The following ZCCHC9 variants were observed in gnomAD, a reference collection of about 807,000 sequenced individuals.
ZCCHC9 encodes zinc finger CCHC-type containing 9.
A neutral mutation model predicts 30.8 loss-of-function variants in ZCCHC9; 18 were observed. That is an observed-to-expected ratio of 0.58 (90% CI 0.40 to 0.87). ZCCHC9 has a LOEUF of 0.87. Ranked by LOEUF, ZCCHC9 falls within the 40% of genes least tolerant of loss-of-function variation. The pLI, the probability that ZCCHC9 is intolerant of heterozygous loss-of-function variation, is 0.00. For synonymous variants in ZCCHC9, 94 were observed against 106.7 expected (o/e 0.88, Z 0.73); for missense variants, 279 against 331.2 (o/e 0.84, Z 1.22).
At chr5:81,302,153 G>C (rs867081446) in intron 1 of ZCCHC9, 2 of 152,636 alleles carry the variant, frequency 1.3e-5, no homozygotes, top group South Asian at 4.1e-4. Flanking sequence ...GACTTGGGGG[G>C]TTGCCAGGGA....
At chr5:81,305,892 A>G (rs1758071440) in intron 2 of ZCCHC9, among the ~76,000 whole-genome samples, 1 of 152,210 alleles carries the variant, frequency 6.6e-6, no homozygotes, top group Non-Finnish European at 1.5e-5. Context: ...CTTGGAAAGG[A>G]TGTTCTTTAT....
intron 4 of ZCCHC9, among the ~76,000 whole-genome samples, chr5:81,310,157 T>TAAAAAAAAAA (rs71000814): frequency 0.034 from 3,560 of 104,240 alleles, 135 homozygotes; most frequent in East Asian, 0.093. Context: ...TGACTAGCTG[T>TAAAAAAAAAA]AAAAAAAAAA....
At chr5:81,311,308 G>A in intron 5 of ZCCHC9, 29 bp downstream of exon 5, 2 of 1,605,616 alleles carry the variant, frequency 1.2e-6, no homozygotes, top group Non-Finnish European at 8.5e-7. Context: ...TACTTAGAAG[G>A]GGTGAGATTA....
In ZCCHC9 at chr5:81,305,091, C is replaced by A. The variant is rs747859472; in HGVS notation, c.334C>A (p.Arg112=). ...TGCAGTTGCTTTAAAGAAAGACAGT[C>A]GACGGGAAGGAAGAAGATTAAAAAG... ...EIAVALKKDS[R]REGRRLKRQA... The change falls in exon 2 of 6, where the codon CGA becomes AGA. Residue 112 remains arginine, a synonymous_variant. Transcript: ENST00000407610. 1.9e-6 allele frequency: 3 copies of A among 1,605,920 alleles called. No individual in the cohort carries two copies. Among genetic ancestry groups the A allele is most frequent in the South Asian group, 1.1e-5 (1 of 89,002 alleles).
chr5:81,302,975 A>C (rs1283613617), intron 1 of ZCCHC9: 3 of 150,944 alleles, frequency 2.0e-5, no homozygotes, highest in Non-Finnish European at 4.4e-5. Flanking sequence ...TAAACTTTTA[A>C]ATTAATTTTA....
At position 81,309,043 on chromosome 5, in the gene ZCCHC9, G is replaced by C; in HGVS notation, c.628+5G>C. 6.3e-7 allele frequency: 1 copy of C among 1,595,672 alleles called. No individual in the cohort carries two copies. Among genetic ancestry groups the C allele is most frequent in the Non-Finnish European group, 8.6e-7 (1 of 1,167,806 alleles). ...CCAAAGGACTCTATGCTGATGGTAA[G>C]TACTGTTACCCTCATATAGCAGAAA... On this transcript the variant is annotated splice_donor_5th_base_variant and intron_variant, in intron 4 of 5. Transcript: ENST00000407610.
chr5:81,304,776 G>C lies in ZCCHC9; in HGVS notation c.19G>C (p.Val7Leu), dbSNP rs1203446969. MTRWARVSTTYNKRPLP... is the reference protein window; with the variant it reads MTRWARLSTTYNKRPLP... ...TGAAATTATGACCAGGTGGGCCCGAGTTAGTACCACATATAACAAGAGACC... is the reference window on the plus strand; with the variant it reads ...TGAAATTATGACCAGGTGGGCCCGACTTAGTACCACATATAACAAGAGACC... Residue 7 changes from valine to leucine, a missense_variant, in exon 2 of 6, where the codon GTT becomes CTT. Val to Leu is a conservative substitution (Grantham distance 32, BLOSUM62 1). Coordinates refer to ENST00000407610, the MANE Select transcript of ZCCHC9 (RefSeq NM_001131035.2). 5 of 1,595,828 alleles carry C rather than the reference G, an allele frequency of 3.1e-6. No homozygotes were observed. The highest frequency in any genetic ancestry group is 1.8e-5 in the Admixed American group (1 of 55,634).
At chr5:81,308,413 G>A (rs1044280832) in intron 2 of ZCCHC9, 148 bp from the exon 3 acceptor site, 36 of 983,322 alleles carry the variant, frequency 3.7e-5, no homozygotes, top group African/African-American at 2.5e-4. Context: ...GTTTAGGAAC[G>A]TATGAAAGCT....
chr5:81,311,665 T>G (rs1425716651), intron 5 of ZCCHC9, among the ~76,000 whole-genome samples: 1 of 152,206 alleles, frequency 6.6e-6, no homozygotes, highest in African/African-American at 2.4e-5. Context: ...TTATGTATGC[T>G]TTGCTTTGTA....
chr5:81,309,784 T>C (rs1170801209), intron 4 of ZCCHC9, among the ~76,000 whole-genome samples: 8 of 152,228 alleles, frequency 5.3e-5, no homozygotes, highest in Admixed American at 5.2e-4. Context: ...AGAGTGGAGA[T>C]GATAAAACTA....
intron 2 of ZCCHC9, among the ~76,000 whole-genome samples, chr5:81,306,128 C>G (rs1318436288): frequency 1.3e-5 from 2 of 152,144 alleles, no homozygotes; most frequent in African/African-American, 4.8e-5. Context: ...ATAATTATTT[C>G]CCTTCTCTAA....
intron 4 of ZCCHC9, among the ~76,000 whole-genome samples, chr5:81,309,550 C>T (rs142127847): frequency 1.0e-3 from 157 of 152,270 alleles, no homozygotes; most frequent in African/African-American, 3.6e-3. Context: ...TCTATGCGGT[C>T]TAAAGCTTTA....
chr5:81,303,778 A>G (rs981738853), intron 1 of ZCCHC9: 3 of 152,266 alleles, frequency 2.0e-5, no homozygotes, highest in African/African-American at 7.2e-5. Flanking sequence ...TTTCAGCTCC[A>G]TTATAATCAT....
chr5:81,311,382 A>T, intron 5 of ZCCHC9, 103 bp downstream of exon 5: 1 of 1,187,392 alleles, frequency 8.4e-7, no homozygotes, highest in East Asian at 2.3e-5. Context: ...TAATGATTTT[A>T]AGACAACCTG....
chr5:81,304,884 G>C lies in ZCCHC9; in HGVS notation c.127G>C (p.Glu43Gln). 1 of 1,614,066 alleles carries C rather than the reference G, an allele frequency of 6.2e-7. No homozygotes were observed. Among genetic ancestry groups the C allele is most frequent in the African/African-American group, 1.3e-5 (1 of 74,982 alleles). Residue 43 changes from glutamate (E) to glutamine (Q), a missense_variant, in exon 2 of 6, where the codon GAA becomes CAA. By Grantham distance (29) the Glu-to-Gln change is conservative (BLOSUM62 2). Coordinates refer to ENST00000407610, the MANE Select transcript of ZCCHC9 (RefSeq NM_001131035.2). ...SQNLPKRKQL[E>Q]ANRLSLKNDA... ...AAACCTACCAAAGCGTAAACAACTTGAAGCCAATAGGCTATCCCTCAAAAA... is the reference window on the plus strand; with the variant it reads ...AAACCTACCAAAGCGTAAACAACTTCAAGCCAATAGGCTATCCCTCAAAAA...
At chr5:81,304,687 G>A (rs1026657663) in intron 1 of ZCCHC9, 54 bp from the exon 2 acceptor site, 2 of 1,482,820 alleles carry the variant, frequency 1.3e-6, no homozygotes. Context: ...CTTTAGTTTT[G>A]TTGTTTTTGT....
At chr5:81,310,157 TAAAAA>T (rs71000814) in intron 4 of ZCCHC9, among the ~76,000 whole-genome samples, 13 of 104,772 alleles carry the variant, frequency 1.2e-4, no homozygotes, top group South Asian at 3.2e-4. Context: ...TGACTAGCTG[TAAAAA>T]AAAAAAAAAA....
chr5:81,311,357 A>T, intron 5 of ZCCHC9, 78 bp downstream of exon 5: 1 of 1,406,104 alleles, frequency 7.1e-7, no homozygotes, highest in Admixed American at 1.7e-5. Flanking sequence ...GTTATTAATA[A>T]CTCAATTGGG....
At position 81,308,707 on chromosome 5, in the gene ZCCHC9, T is replaced by C; in HGVS notation, c.531T>C (p.Ala177=). The change falls in exon 3 of 6, where the codon GCT becomes GCC. Residue 177 remains alanine (A), a synonymous_variant. Coordinates refer to ENST00000407610, the MANE Select transcript of ZCCHC9 (RefSeq NM_001131035.2). ...ITKCKAKVDP[A]LGEFPFAKCF... ...AGTGTAAGGCTAAAGTAGACCCGGC[T>C]CTTGGTATGTGTTTCTTTCAGTTTT... is the stretch of plus-strand genomic sequence containing the variant. 1.2e-6 allele frequency: 2 copies of C among 1,604,986 alleles called. No individual in the cohort carries two copies. Among genetic ancestry groups the C allele is most frequent in the Non-Finnish European group, 1.7e-6 (2 of 1,177,134 alleles).
Sources: allele counts gnomAD v4.1 joint callset (sites outside exome capture counted in the v4.1 genomes callset), GRCh38; gene constraint gnomAD v4.1.1; transcripts MANE v1.5; gene names NCBI Gene and HGNC (gene_info 2026-07-23, HGNC 2026-07-21).